NPHS1: variants seen among roughly 807,000 people sequenced by gnomAD.
The protein encoded by NPHS1 is NPHS1 adhesion molecule, nephrin, also known as nephrin.
NPHS1 carries 107 observed loss-of-function variants against 139.7 expected under a neutral mutation model. The ratio of observed to expected loss-of-function variants is 0.77; its 90% CI spans 0.66 to 0.90. NPHS1 has a LOEUF of 0.90. Ranked by LOEUF, NPHS1 falls within the 40% of genes least tolerant of loss-of-function variation. The probability of loss-of-function intolerance (pLI) is 0.00; values close to 1 mark genes in which losing one functional copy is unlikely to be tolerated. For missense variants in NPHS1, 1,580 were observed against 1,654.2 expected, an observed-to-expected ratio of 0.96 and a Z score of 0.78; for synonymous variants, 707 against 706.6, an observed-to-expected ratio of 1.00 and a Z score of -0.01.
chr19:35,839,333 G>A lies in NPHS1; in HGVS notation c.3013C>T (p.Pro1005Ser), dbSNP rs1555761534. 1 of 1,614,210 alleles carries A rather than the reference G, an allele frequency of 6.2e-7. No individual in the cohort carries two copies. The highest frequency in any genetic ancestry group is 8.5e-7 in the Non-Finnish European group (1 of 1,180,038). The change falls in exon 22 of 29, where the codon CCT becomes TCT. Residue 1005 changes from proline (P) to serine (S), a missense_variant. Coordinates refer to ENST00000378910, the MANE Select transcript of NPHS1 (RefSeq NM_004646.4). ...AGCCAGACCCTGTATCTTGTAGAAG[G>A]CTGTAGACCAGTCAGCGTGAAGGTG... ...ATTFTLTGLQ[P>S]STRYRVWLLA...
Position 35,839,590 on chromosome 19 carries a change from A to T in NPHS1, c.2833T>A (p.Ser945Thr), listed in dbSNP as rs1444428603. ...LVSISRPDPPSGLKVVSLTPH... is the reference protein window; with the variant it reads ...LVSISRPDPPTGLKVVSLTPH... ...GTCAGACTCACAACCTTTAATCCTG[A>T]TGGAGGGTCAGGGCGGCCTATGGGG... is the stretch of plus-strand genomic sequence containing the variant. The change falls in exon 21 of 29, where the codon TCA becomes ACA. Residue 945 changes from serine to threonine, a missense_variant. Physicochemically the swap from Ser to Thr is moderately conservative, Grantham distance 58. Coordinates refer to ENST00000378910, the MANE Select transcript of NPHS1 (RefSeq NM_004646.4). The T allele has an allele frequency of 1.2e-6, 2 of 1,613,996 alleles. No homozygotes were observed. Among genetic ancestry groups the T allele is most frequent in the Non-Finnish European group, 1.7e-6 (2 of 1,179,982 alleles).
chr19:35,843,653 G>A, intron 16 of NPHS1, 60 bp from the exon 17 acceptor site: 3 of 1,602,826 alleles, frequency 1.9e-6, no homozygotes, highest in South Asian at 2.2e-5. Flanking sequence ...GGGTGTGAGA[G>A]GGCCCCAGGT....
rs549430502 is a variant in NPHS1 at position 35,825,763 on chromosome 19, G to A, written c.*751C>T. On this transcript the variant is annotated 3_prime_UTR_variant, in exon 29 of 29. Coordinates refer to ENST00000378910, the MANE Select transcript of NPHS1 (RefSeq NM_004646.4). ...ATGCCTCCTGTGTTAGATAACTGTC[G>A]GAAATAATAAAATAATAGGTAGGAT... Among the ~76,000 whole-genome samples, 143 of 151,986 alleles carry A rather than the reference G, an allele frequency of 9.4e-4. 1 individual carries two copies. Among genetic ancestry groups the A allele is most frequent in the African/African-American group, 2.9e-3 (122 of 41,434 alleles).
chr19:35,844,272 C>T (rs762118664), intron 15 of NPHS1, 29 bp from the exon 16 acceptor site: 1 of 1,613,678 alleles, frequency 6.2e-7, no homozygotes, highest in Non-Finnish European at 8.5e-7. Context: ...AGGGACCTGG[C>T]AGGACCTCCC....
In NPHS1 at chr19:35,848,814, A is replaced by G. The variant is rs369477370; in HGVS notation, c.1013-20T>C. The G allele has an allele frequency of 2.1e-5, 34 of 1,614,070 alleles. No individual in the cohort carries two copies. The highest frequency in any genetic ancestry group is 2.8e-5 in the Non-Finnish European group (33 of 1,180,036). On this transcript the variant is annotated intron_variant, in intron 8 of 28. Coordinates refer to ENST00000378910, the MANE Select transcript of NPHS1 (RefSeq NM_004646.4). ...GGGGAACTGCAGGGACAGAGAAGGA[A>G]GACACTAAGCTGGGCTGGATTTCTC...
chr19:35,846,977 T>A lies in NPHS1; in HGVS notation c.1441-783A>T, dbSNP rs560158083. 2.6e-5 allele frequency among the ~76,000 whole-genome samples: 4 copies of A among 152,290 alleles called. No individual in the cohort carries two copies. The East Asian group carries it at 5.8e-4, about 22-fold the overall frequency. ...TTTTCTTGCCTCCAAATCCCAAGAG[T>A]TCAGTTTAATACTAATGAATTTCCG... is the stretch of plus-strand genomic sequence containing the variant. On this transcript the variant is annotated intron_variant, in intron 11 of 28. Coordinates refer to ENST00000378910, the MANE Select transcript of NPHS1 (RefSeq NM_004646.4).
chr19:35,843,635 AC>A (rs1973091979), intron 16 of NPHS1, 42 bp from the exon 17 acceptor site: 1 of 1,610,480 alleles, frequency 6.2e-7, no homozygotes, highest in Non-Finnish European at 8.5e-7. Flanking sequence ...TTGGGCCCAG[AC>A]AGGTCTGGGT....
rs1212576919 is a variant in NPHS1 at position 35,848,098 on chromosome 19, C to T, written c.1383G>A (p.Val461=). The change falls in exon 11 of 29, where the codon GTG becomes GTA. Residue 461 remains valine, a synonymous_variant. Transcript: ENST00000378910. ...CCCCGATAGCCAAACACACCAGCCT[C>T]ACCCGGGTCCCAGCCCGGAGCTTCT... is the stretch of plus-strand genomic sequence containing the variant. ...EGQKLRAGTR[V]RLVCLAIGGN... is the part of the protein sequence containing the mutation. The T allele has an allele frequency of 6.2e-7, 1 of 1,613,954 alleles. No homozygotes were observed. Among genetic ancestry groups the T allele is most frequent in the African/African-American group, 1.3e-5 (1 of 74,944 alleles).
Position 35,846,081 on chromosome 19 carries a change from C to T in NPHS1, c.1554G>A (p.Gly518=). The change falls in exon 12 of 29, where the codon GGG becomes GGA. Residue 518 remains glycine, a synonymous_variant. Coordinates refer to ENST00000378910, the MANE Select transcript of NPHS1 (RefSeq NM_004646.4). ...TGAACTTGGCCTGGTTGTCCGACGG[C>T]CCTGTGACCAGCACCAGCTCTCGGG... ...TFSRELVLVT[G]PSDNQAKFTC... 2 of 1,596,396 alleles carry T rather than the reference C, an allele frequency of 1.3e-6. No homozygotes were observed. The highest frequency in any genetic ancestry group is 1.7e-6 in the Non-Finnish European group (2 of 1,171,828).
rs386833952 is a variant in NPHS1, at chr19:35,850,437, TC to T, written c.534del (p.Thr179GlnfsTer9). 1.2e-6 allele frequency: 2 copies of T among 1,613,940 alleles called. No homozygotes were observed. The highest frequency in any genetic ancestry group is 1.7e-6 in the Non-Finnish European group (2 of 1,179,964). The stretch of plus-strand genomic sequence containing the variant: ...ACGTTTGCAGAGATGTCAGATATTG[TC>T]TGTCCACCTTGGGGCAGCAAGAGGG... ...APDITILLSG[Q>X]TISDISANVN... On this transcript the variant is annotated frameshift_variant, in exon 5 of 29. Coordinates refer to ENST00000378910, the MANE Select transcript of NPHS1 (RefSeq NM_004646.4). LOFTEE classifies it high-confidence loss of function.
chr19:35,851,592 C>T lies in NPHS1; in HGVS notation c.139G>A (p.Ala47Thr), dbSNP rs764249562. 68 of 1,613,844 alleles carry T rather than the reference C, an allele frequency of 4.2e-5. No homozygotes were observed. The highest frequency in any genetic ancestry group is 5.5e-5 in the Non-Finnish European group (65 of 1,179,992). ...ACCCCACAACGCAGCTCCACTGAGG[C>T]CCCCTCCACCACCGTCAGGTTTTCA... The part of the protein sequence containing the change: ...LPENLTVVEG[A>T]SVELRCGVST... The change falls in exon 2 of 29, where the codon GCC (alanine) becomes ACC (threonine). Residue 47 changes from alanine (A) to threonine (T), a missense_variant. Physicochemically the swap from Ala to Thr is moderately conservative, Grantham distance 58. Coordinates refer to ENST00000378910, the MANE Select transcript of NPHS1 (RefSeq NM_004646.4).
At chr19:35,832,539 G>T (rs1972898430) in intron 23 of NPHS1, among the ~76,000 whole-genome samples, 1 of 101,930 alleles carries the variant, frequency 9.8e-6, no homozygotes, top group African/African-American at 3.3e-5. Context: ...GCAAGACCCT[G>T]CCTCTGAAAA....
At position 35,838,374 on chromosome 19, in the gene NPHS1, G is replaced by A. The variant is rs557313082; in HGVS notation, c.3109+863C>T. Among the ~76,000 whole-genome samples, 40 of 151,930 alleles carry A rather than the reference G, an allele frequency of 2.6e-4. No individual in the cohort carries two copies. In the South Asian group the frequency reaches 3.3e-3, roughly 13 times the overall value. On this transcript the variant is annotated intron_variant, in intron 22 of 28. Transcript: ENST00000378910. ...TCAAGACCAGCCTGGCCAACATGGC[G>A]AAACCCCGTCTCTACTAAAAATACT...
At chr19:35,839,838 G>A (rs1568452301) in intron 20 of NPHS1, among the ~76,000 whole-genome samples, 1 of 151,984 alleles carries the variant, frequency 6.6e-6, no homozygotes, top group Non-Finnish European at 1.5e-5. Flanking sequence ...CCAGGAGTTC[G>A]AGACCAGCCT....
At chr19:35,848,954 G>T in intron 8 of NPHS1, 22 bp downstream of exon 8, 2 of 1,611,372 alleles carry the variant, frequency 1.2e-6, no homozygotes, top group Non-Finnish European at 8.5e-7. Flanking sequence ...CCGACAGGGG[G>T]GCAGCTGGCA....
Position 35,831,101 on chromosome 19 carries a change from A to G in NPHS1, c.3433T>C (p.Phe1145Leu), listed in dbSNP as rs775702090. Reference protein sequence around the residue: ...AEPYYRSLRDFSPQLPPTQEE... With the variant: ...AEPYYRSLRDLSPQLPPTQEE... ...TGCGTCGGGGGCAGCTGGGGGCTGA[A>G]GTCCCTCAGGGAGCGGTAATACGGC... The change falls in exon 27 of 29, where the codon TTC (phenylalanine) becomes CTC (leucine). Residue 1145 changes from phenylalanine to leucine, a missense_variant. Physicochemically the swap from Phe to Leu is conservative, Grantham distance 22. Coordinates refer to ENST00000378910, the MANE Select transcript of NPHS1 (RefSeq NM_004646.4). 6.2e-7 allele frequency: 1 copy of G among 1,614,080 alleles called. No homozygotes were observed. Among genetic ancestry groups the G allele is most frequent in the Non-Finnish European group, 8.5e-7 (1 of 1,180,016 alleles).
At position 35,825,732 on chromosome 19, in the gene NPHS1, T is replaced by C. The variant is rs1972793154; in HGVS notation, c.*782A>G. On this transcript the variant is annotated 3_prime_UTR_variant, in exon 29 of 29. Coordinates refer to ENST00000378910, the MANE Select transcript of NPHS1 (RefSeq NM_004646.4). ...AGCATACTTATGTTTACATGTGTCA[T>C]AGTTTATGCCTCCTGTGTTAGATAA... is the stretch of plus-strand genomic sequence containing the variant. 2.0e-5 allele frequency among the ~76,000 whole-genome samples: 3 copies of C among 152,204 alleles called. No individual in the cohort carries two copies. The highest frequency in any genetic ancestry group is 4.8e-5 in the African/African-American group (2 of 41,444).
intron 18 of NPHS1, 46 bp downstream of exon 18, chr19:35,842,333 G>C (rs1459933390): frequency 6.2e-7 from 1 of 1,612,718 alleles, no homozygotes; most frequent in South Asian, 1.1e-5. Flanking sequence ...TGAGGGCTGT[G>C]GGTTCAGTGG....
chr19:35,835,035 T>TA (rs1235545774), intron 23 of NPHS1, among the ~76,000 whole-genome samples: 2 of 150,306 alleles, frequency 1.3e-5, no homozygotes, highest in African/African-American at 2.4e-5. Context: ...CCGTCCCTAC[T>TA]AAAAAAGTAC....
Sources: gnomAD v4.1 joint callset for allele counts (sites outside exome capture counted in the v4.1 genomes callset) on GRCh38, gnomAD v4.1.1 for gene constraint, MANE v1.5 for transcripts, NCBI Gene and HGNC (gene_info 2026-07-23, HGNC 2026-07-21) for gene names.